NUP62CL: variants seen among roughly 807,000 people sequenced by gnomAD.
NUP62CL encodes the protein nucleoporin 62 C-terminal like, also known as nucleoporin-62 C-terminal-like protein.
A neutral mutation model predicts 15.3 loss-of-function variants in NUP62CL; 13 were observed. The ratio of observed to expected loss-of-function variants is 0.85; its 90% confidence interval spans 0.55 to 1.35. The LOEUF (loss-of-function observed/expected upper bound fraction) is 1.35, where lower values mean the gene tolerates loss of function less well. NUP62CL is among the 40% of genes most tolerant of loss of function. NUP62CL has a pLI of 0.00. For synonymous variants in NUP62CL, 54 were observed against 49.2 expected (o/e 1.10, Z -0.41); for missense variants, 123 against 130.6 (o/e 0.94, Z 0.28).
At chrX:107,141,388 A>G (rs1291447267) in intron 8 of NUP62CL, among the ~76,000 whole-genome samples, 3 of 112,341 alleles carry the variant, frequency 2.7e-5, no homozygotes, top group Non-Finnish European at 1.9e-5. Context: ...ATACCTTTCA[A>G]TTAACTGCAC....
intron 2 of NUP62CL, among the ~76,000 whole-genome samples, chrX:107,190,842 C>T (rs191350804): frequency 1.2e-4 from 13 of 109,593 alleles, no homozygotes. Flanking sequence ...CTGGTGCTCC[C>T]AGTCTGAGGT....
intron 1 of NUP62CL, among the ~76,000 whole-genome samples, chrX:107,194,610 A>C (rs1389366607): frequency 9.0e-6 from 1 of 111,342 alleles, no homozygotes; most frequent in Non-Finnish European, 1.9e-5. Flanking sequence ...TTTATGCACC[A>C]CTAAGAAAGG....
Position 107,153,512 on chromosome X carries a change from A to G in NUP62CL, c.346-9T>C. 1 of 1,040,802 alleles carries G rather than the reference A, an allele frequency of 9.6e-7. No individual in the cohort carries two copies. The highest frequency in any genetic ancestry group is 1.3e-6 in the Non-Finnish European group (1 of 765,516). 85.8% of individuals were successfully genotyped at this position (1,040,802 alleles called of 1,213,427 possible). On this transcript the variant is annotated splice_polypyrimidine_tract_variant and intron_variant, in intron 5 of 8. Transcript: ENST00000372466. ...CCATGTAAAATACGAATCTATAAAG[A>G]GAAATATGAATACAACAATATAAGT... is the stretch of plus-strand genomic sequence containing the variant.
At chrX:107,151,366 T>C (rs1221647280) in intron 7 of NUP62CL, among the ~76,000 whole-genome samples, 1 of 111,525 alleles carries the variant, frequency 9.0e-6, no homozygotes, top group East Asian at 2.8e-4. Flanking sequence ...TGATCTTGAA[T>C]ACACAAATTT....
intron 8 of NUP62CL, among the ~76,000 whole-genome samples, chrX:107,135,016 T>A (rs1456721647): frequency 1.8e-5 from 2 of 111,532 alleles, no homozygotes; most frequent in East Asian, 5.6e-4. Flanking sequence ...GCTGGGATTA[T>A]AGGCATGTGC....
At chrX:107,173,341 T>C (rs940488319) in intron 3 of NUP62CL, among the ~76,000 whole-genome samples, 3 of 112,297 alleles carry the variant, frequency 2.7e-5, no homozygotes, top group African/African-American at 9.7e-5. Context: ...GGAAATGCTC[T>C]AAAACTAAAT....
intron 1 of NUP62CL, among the ~76,000 whole-genome samples, chrX:107,202,906 A>C (rs1455998684): frequency 2.0e-5 from 2 of 101,253 alleles, no homozygotes; most frequent in African/African-American, 7.3e-5. Flanking sequence ...GTAGCCCCAG[A>C]GGTCGAGGCT....
At chrX:107,196,393 C>T (rs1310975377) in intron 1 of NUP62CL, among the ~76,000 whole-genome samples, 1 of 110,866 alleles carries the variant, frequency 9.0e-6, no homozygotes, top group African/African-American at 3.3e-5. Context: ...TCAGTTTTTC[C>T]CTATAATCCC....
intron 7 of NUP62CL, among the ~76,000 whole-genome samples, chrX:107,148,951 C>T (rs759607717): frequency 4.5e-5 from 5 of 111,261 alleles, no homozygotes; most frequent in South Asian, 7.6e-4. Context: ...ATGTTTTTCC[C>T]GTTTCTTGTC....
At chrX:107,199,349 T>C (rs928410571) in intron 1 of NUP62CL, among the ~76,000 whole-genome samples, 1 of 112,015 alleles carries the variant, frequency 8.9e-6, no homozygotes, top group Non-Finnish European at 1.9e-5. Flanking sequence ...AAGATAAATC[T>C]ACTGTGTGTC....
intron 2 of NUP62CL, among the ~76,000 whole-genome samples, chrX:107,181,834 A>ACTC (rs1368154124): frequency 9.0e-6 from 1 of 111,729 alleles, no homozygotes; most frequent in South Asian, 3.7e-4. Context: ...TTAAAAGTTT[A>ACTC]CTCCTATGCA....
chrX:107,161,603 A>T (rs1412647009), intron 4 of NUP62CL, among the ~76,000 whole-genome samples: 2 of 8,837 alleles, frequency 2.3e-4, no homozygotes, highest in Admixed American at 4.7e-3. Flanking sequence ...GGACACAGGA[A>T]GGGGAATATC....
intron 4 of NUP62CL, among the ~76,000 whole-genome samples, chrX:107,162,017 A>C (rs1042499533): frequency 1.8e-5 from 2 of 109,667 alleles, no homozygotes; most frequent in Non-Finnish European, 3.8e-5. Context: ...AAAAACAGAA[A>C]ATCTCAGCAA....
At chrX:107,165,378 T>C (rs1028173018) in intron 4 of NUP62CL, among the ~76,000 whole-genome samples, 3 of 109,326 alleles carry the variant, frequency 2.7e-5, no homozygotes, top group African/African-American at 9.9e-5. Context: ...GGCCGAGAAG[T>C]TTTCGCTAGA....
chrX:107,149,789 T>A (rs777256824), intron 7 of NUP62CL, among the ~76,000 whole-genome samples: 1 of 111,600 alleles, frequency 9.0e-6, no homozygotes, highest in Non-Finnish European at 1.9e-5. Flanking sequence ...GAAAGCACAA[T>A]GGGAACTCCC....
intron 8 of NUP62CL, among the ~76,000 whole-genome samples, chrX:107,138,236 C>A (rs1329759609): frequency 9.0e-6 from 1 of 111,142 alleles, no homozygotes; most frequent in Non-Finnish European, 1.9e-5. Flanking sequence ...AGGAAAAAAT[C>A]TTGGGGATAT....
chrX:107,173,933 T>C (rs1283959926), intron 3 of NUP62CL, among the ~76,000 whole-genome samples: 1 of 110,827 alleles, frequency 9.0e-6, no homozygotes. Flanking sequence ...CATTATGATA[T>C]TGTGAAGAAG....
chrX:107,156,249 C>T (rs1187912195), intron 4 of NUP62CL, among the ~76,000 whole-genome samples: 1 of 109,447 alleles, frequency 9.1e-6, no homozygotes, highest in Non-Finnish European at 1.9e-5. Context: ...ACAAAGCAGC[C>T]GGGAAGCTCC....
intron 1 of NUP62CL, among the ~76,000 whole-genome samples, chrX:107,201,275 T>G (rs1169665566): frequency 9.0e-6 from 1 of 111,501 alleles, no homozygotes; most frequent in Non-Finnish European, 1.9e-5. Flanking sequence ...ATGATGTTAT[T>G]CAACTGTCAC....
Sources: gnomAD v4.1 joint callset for allele counts (sites outside exome capture counted in the v4.1 genomes callset) on GRCh38, gnomAD v4.1.1 for gene constraint, MANE v1.5 for transcripts, NCBI Gene and HGNC (gene_info 2026-07-23, HGNC 2026-07-21) for gene names.